Variants in MGST2 observed in about 807,000 individuals in gnomAD.
The protein encoded by MGST2 is glutathione peroxidase MGST2.
A neutral mutation model predicts 16.6 loss-of-function variants in MGST2; 9 were observed. The ratio of observed to expected loss-of-function variants is 0.54; its 90% confidence interval spans 0.33 to 0.95. The LOEUF is 0.95. Among genes scored for constraint, MGST2 ranks in the 40% least tolerant of loss-of-function variants. The pLI, the probability that MGST2 is intolerant of heterozygous loss-of-function variation, is 0.03. For synonymous variants in MGST2, 79 were observed against 68.0 expected, an observed-to-expected ratio of 1.16 and a Z score of -0.79; for missense variants, 159 against 175.1, an observed-to-expected ratio of 0.91 and a Z score of 0.52.
the MGST2 span, among the ~76,000 whole-genome samples, chr4:139,745,846 C>T: frequency 6.6e-6 from 1 of 152,206 alleles, no homozygotes; most frequent in South Asian, 2.1e-4. Flanking sequence ...TTTTCAAAGC[C>T]CTAACAATAC....
At chr4:139,698,656 C>G in intron 3 of MGST2, 1 of 749,508 alleles carries the variant, frequency 1.3e-6, no homozygotes, top group Non-Finnish European at 2.3e-6. Flanking sequence ...TTTCTTATAG[C>G]AATCCTGCTC....
chr4:139,672,577 C>CT (rs34915408), intron 1 of MGST2, among the ~76,000 whole-genome samples: 4,588 of 142,554 alleles, frequency 0.032, 207 homozygotes, highest in African/African-American at 0.1. Context: ...CATTTACACA[C>CT]TTTTTTTTTT....
intron 5 of MGST2, among the ~76,000 whole-genome samples, chr4:139,713,311 G>T (rs1241612747): frequency 6.6e-6 from 1 of 151,690 alleles, no homozygotes; most frequent in Non-Finnish European, 1.5e-5. Flanking sequence ...TTTAATTCCT[G>T]GGGTTTCAAG....
the MGST2 span, among the ~76,000 whole-genome samples, chr4:139,748,696 T>C: frequency 7.2e-5 from 11 of 152,166 alleles, no homozygotes; most frequent in Non-Finnish European, 1.3e-4. Flanking sequence ...AAAAGCACAA[T>C]TGGGGTAAAA....
chr4:139,691,694 G>GATT (rs1491509102), intron 2 of MGST2, among the ~76,000 whole-genome samples: 61 of 130,748 alleles, frequency 4.7e-4, no homozygotes, highest in African/African-American at 1.2e-3. Flanking sequence ...TGATGATGAT[G>GATT]ATGATTATTA....
intron 2 of MGST2, among the ~76,000 whole-genome samples, chr4:139,683,990 A>G (rs910767375): frequency 6.8e-6 from 1 of 147,744 alleles, no homozygotes; most frequent in Non-Finnish European, 1.5e-5. Flanking sequence ...AGTGGCCACA[A>G]TCTTGGCTCA....
At chr4:139,693,482 C>G (rs1302985777) in intron 2 of MGST2, among the ~76,000 whole-genome samples, 1 of 151,542 alleles carries the variant, frequency 6.6e-6, no homozygotes, top group Admixed American at 6.6e-5. Context: ...CTACATTTTA[C>G]CTCGTGGGAA....
the MGST2 span, among the ~76,000 whole-genome samples, chr4:139,753,341 A>AATCTATCTATCT: frequency 4.2e-3 from 623 of 146,678 alleles, 1 homozygote; most frequent in East Asian, 6.5e-3. Context: ...TTTTCTTTTT[A>AATCTATCTATCT]ATCTATCTAT....
intron 2 of MGST2, among the ~76,000 whole-genome samples, chr4:139,682,242 T>C (rs1358520347): frequency 6.9e-6 from 1 of 144,684 alleles, no homozygotes; most frequent in Non-Finnish European, 1.5e-5. Flanking sequence ...TAATTGGTGC[T>C]AAAAAAAAAA....
intron 1 of MGST2, among the ~76,000 whole-genome samples, chr4:139,669,951 A>G (rs769755130): frequency 2.6e-4 from 39 of 152,180 alleles, no homozygotes; most frequent in Non-Finnish European, 4.7e-4. Flanking sequence ...CTGGAATTTG[A>G]TTGGCCAGAG....
chr4:139,690,659 C>G (rs1726523730), intron 2 of MGST2, among the ~76,000 whole-genome samples: 1 of 152,104 alleles, frequency 6.6e-6, no homozygotes, highest in South Asian at 2.1e-4. Flanking sequence ...GGCTGTGCAA[C>G]TGTTAGAGCT....
chr4:139,747,515 G>A, the MGST2 span, among the ~76,000 whole-genome samples: 9 of 152,148 alleles, frequency 5.9e-5, no homozygotes, highest in Non-Finnish European at 8.8e-5. Flanking sequence ...CCAACATGGT[G>A]AAACCCCGTC....
At chr4:139,749,344 A>G in the MGST2 span, among the ~76,000 whole-genome samples, 2 of 152,258 alleles carry the variant, frequency 1.3e-5, no homozygotes, top group Non-Finnish European at 2.9e-5. Context: ...AAGCACCATG[A>G]GGCCAAGTTA....
intron 5 of MGST2, chr4:139,716,659 A>C (rs1727978446): frequency 6.6e-6 from 1 of 152,638 alleles, no homozygotes; most frequent in African/African-American, 2.4e-5. Flanking sequence ...AATTTTGAGA[A>C]AAGAACTGCA....
chr4:139,694,144 T>C (rs1400807605), intron 2 of MGST2, among the ~76,000 whole-genome samples: 1 of 151,994 alleles, frequency 6.6e-6, no homozygotes, highest in Non-Finnish European at 1.5e-5. Context: ...TTCTGTGGGA[T>C]TATGGAGAAT....
At chr4:139,727,668 T>C (rs1485080369) in intron 5 of MGST2, among the ~76,000 whole-genome samples, 4 of 152,234 alleles carry the variant, frequency 2.6e-5, no homozygotes, top group Admixed American at 2.6e-4. Context: ...TTATGTGCTT[T>C]GAACTTTTGG....
chr4:139,691,225 G>A (rs1726562262), intron 2 of MGST2, among the ~76,000 whole-genome samples: 1 of 152,202 alleles, frequency 6.6e-6, no homozygotes. Flanking sequence ...TGTTCTCACA[G>A]GAAGGGAAGA....
intron 4 of MGST2, 94 bp from the exon 5 acceptor site, chr4:139,703,922 G>A: frequency 3.3e-6 from 5 of 1,507,486 alleles, no homozygotes; most frequent in Non-Finnish European, 4.6e-6. Context: ...AGAAGTTCTG[G>A]ACAGTGTTAA....
chr4:139,725,607 T>A (rs763404354), intron 5 of MGST2: 5 of 799,730 alleles, frequency 6.3e-6, no homozygotes, highest in Non-Finnish European at 1.1e-5. Context: ...TCTGATTGGT[T>A]AGTACTCTTA....
Sources: gnomAD v4.1 joint callset for allele counts (sites outside exome capture counted in the v4.1 genomes callset) on GRCh38, gnomAD v4.1.1 for gene constraint, MANE v1.5 for transcripts, NCBI Gene and HGNC (gene_info 2026-07-23, HGNC 2026-07-21) for gene names.